The following ERI1 variants were observed in gnomAD, a reference collection of about 807,000 sequenced individuals.
The protein encoded by ERI1 is exoribonuclease 1.
A neutral mutation model predicts 39.7 loss-of-function variants in ERI1; 39 were observed. The observed-to-expected ratio is 0.98, with a 90% CI of 0.76 to 1.28. The LOEUF (loss-of-function observed/expected upper bound fraction) is 1.28. Among genes scored for constraint, ERI1 ranks in the 50% most tolerant of loss-of-function variants. ERI1 has a pLI of 0.00. For synonymous variants in ERI1, 204 were observed against 149.6 expected, an observed-to-expected ratio of 1.36 and a Z score of -2.65; for missense variants, 581 against 416.9, an observed-to-expected ratio of 1.39 and a Z score of -3.43.
At chr8:9,039,607 G>A (rs577334892) in intron 3 of ERI1, among the ~76,000 whole-genome samples, 1 of 152,268 alleles carries the variant, frequency 6.6e-6, no homozygotes, top group South Asian at 2.1e-4. Flanking sequence ...TTGATGAAAG[G>A]CAAGATATTC....
intron 3 of ERI1, chr8:9,072,502 A>G (rs150758873): frequency 5.9e-5 from 9 of 152,184 alleles, no homozygotes; most frequent in African/African-American, 2.2e-4. Context: ...AAATTCCAAA[A>G]GAGCTGTAAC....
intron 3 of ERI1, among the ~76,000 whole-genome samples, chr8:9,099,594 C>G (rs555826563): frequency 7.0e-6 from 1 of 142,530 alleles, no homozygotes; most frequent in Non-Finnish European, 1.5e-5. Context: ...GACACTCTCT[C>G]TCTCAAAAAA....
chr8:9,005,535 G>C (rs1815901231), intron 1 of ERI1, among the ~76,000 whole-genome samples: 1 of 135,368 alleles, frequency 7.4e-6, no homozygotes, highest in Non-Finnish European at 1.5e-5. Flanking sequence ...TTTTTTTTGA[G>C]AGGGAGTCTC....
In ERI1 at chr8:9,065,792, A is replaced by T. The variant is rs191086643; in HGVS notation, n.299+45328A>T. Among the ~76,000 whole-genome samples the T allele has an allele frequency of 1.3e-3, 191 of 152,186 alleles. 1 individual carries two copies. The highest frequency in any genetic ancestry group is 2.3e-3 in the Non-Finnish European group (153 of 67,992). Reference sequence around the variant, plus strand: ...AACAAATCTCCTTTTAAAATTACTTAAAAAAATAAAAATAAAAAGCAGGGC... The same window carrying T: ...AACAAATCTCCTTTTAAAATTACTTTAAAAAATAAAAATAAAAAGCAGGGC... On this transcript the variant is annotated intron_variant and non_coding_transcript_variant, in intron 3 of 3. Transcript: ENST00000518663.
At chr8:9,084,097 A>T (rs999171965) in intron 3 of ERI1, among the ~76,000 whole-genome samples, 7 of 148,616 alleles carry the variant, frequency 4.7e-5, no homozygotes, top group South Asian at 4.2e-4. Flanking sequence ...CCAGCCTAAA[A>T]TTTTTTTTTT....
chr8:9,039,374 T>C (rs1448385761), intron 3 of ERI1, among the ~76,000 whole-genome samples: 1 of 152,202 alleles, frequency 6.6e-6, no homozygotes, highest in Non-Finnish European at 1.5e-5. Context: ...AAAATATCCA[T>C]GTCATGAATC....
chr8:9,010,803 C>T (rs983914805), intron 2 of ERI1, among the ~76,000 whole-genome samples: 1 of 152,098 alleles, frequency 6.6e-6, no homozygotes, highest in African/African-American at 2.4e-5. Context: ...TTAGGATGAC[C>T]TTTCTCTCCT....
intron 3 of ERI1, among the ~76,000 whole-genome samples, chr8:9,047,844 G>A (rs945716126): frequency 1.2e-4 from 18 of 152,236 alleles, no homozygotes; most frequent in East Asian, 9.7e-4. Context: ...AATACTAATC[G>A]TTCACGCTGT....
chr8:9,004,399 T>C, intron 1 of ERI1: 1 of 619,112 alleles, frequency 1.6e-6, no homozygotes, highest in Non-Finnish European at 2.2e-6. Flanking sequence ...TTACAGCTAC[T>C]TAAGGCCTAG....
chr8:9,097,650 C>G lies in ERI1; in HGVS notation n.300-18698C>G, dbSNP rs191975491. Among the ~76,000 whole-genome samples, 382 of 124,448 alleles carry G rather than the reference C, an allele frequency of 3.1e-3. 1 individual carries two copies. Among genetic ancestry groups the G allele is most frequent in the East Asian group, 5.8e-3 (26 of 4,476 alleles). The allele number at this position is 124,448 out of a possible 152,430, so 81.6% of individuals were successfully genotyped here. On this transcript the variant is annotated intron_variant and non_coding_transcript_variant, in intron 3 of 3. Transcript: ENST00000518663. ...TGCCACTGCACTCCAGCCTAGGTGA[C>G]AGAATGACACTCTGTCAAAAAAAAA...
intron 3 of ERI1, among the ~76,000 whole-genome samples, chr8:9,092,508 C>T (rs756519416): frequency 6.6e-6 from 1 of 152,156 alleles, no homozygotes; most frequent in Non-Finnish European, 1.5e-5. Context: ...AAGATTTGCT[C>T]TTGTCATGGG....
At chr8:9,051,662 A>C (rs1798360430) in intron 3 of ERI1, among the ~76,000 whole-genome samples, 1 of 151,626 alleles carries the variant, frequency 6.6e-6, no homozygotes, top group African/African-American at 2.4e-5. Context: ...TGTCTCAAAA[A>C]AAAAAAAAGA....
chr8:9,042,980 A>G (rs1798071694), intron 3 of ERI1, among the ~76,000 whole-genome samples: 1 of 152,160 alleles, frequency 6.6e-6, no homozygotes, highest in African/African-American at 2.4e-5. Context: ...AAGGATCTGG[A>G]GAAGAAAGGT....
intron 3 of ERI1, among the ~76,000 whole-genome samples, chr8:9,068,628 T>C (rs1043415382): frequency 3.3e-5 from 5 of 152,166 alleles, no homozygotes; most frequent in Non-Finnish European, 4.4e-5. Context: ...CTCATATCCA[T>C]GCTTGCTTCT....
At chr8:9,017,304 T>C (rs2953809) in intron 4 of ERI1, among the ~76,000 whole-genome samples, 131,992 of 152,158 alleles carry the variant, frequency 0.87, 57,536 homozygotes, top group Non-Finnish European at 0.92. Context: ...CCAAAAAGTG[T>C]TGGGATTACG....
chr8:9,055,786 C>A (rs1798488182), intron 3 of ERI1, among the ~76,000 whole-genome samples: 1 of 152,182 alleles, frequency 6.6e-6, no homozygotes, highest in Non-Finnish European at 1.5e-5. Context: ...GATCCTCTCC[C>A]TTCTCAGCTT....
At chr8:9,016,195 A>G (rs1480370924) in intron 3 of ERI1, 127 bp from the exon 4 acceptor site, 1 of 459,960 alleles carries the variant, frequency 2.2e-6, no homozygotes, top group Non-Finnish European at 3.9e-6. Context: ...TTATTCTTAA[A>G]AACTGGAAGG....
intron 3 of ERI1, among the ~76,000 whole-genome samples, chr8:9,012,832 G>T (rs995518190): frequency 1.3e-5 from 2 of 152,048 alleles, no homozygotes; most frequent in African/African-American, 4.8e-5. Context: ...CTCTTTTTGG[G>T]AAAATTCTTC....
intron 6 of ERI1, among the ~76,000 whole-genome samples, chr8:9,024,079 C>A: frequency 6.6e-6 from 1 of 152,146 alleles, no homozygotes. Flanking sequence ...GAATTATAGG[C>A]ATGAGCCATT....
Sources: gnomAD v4.1 joint callset for allele counts (sites outside exome capture counted in the v4.1 genomes callset) on GRCh38, gnomAD v4.1.1 for gene constraint, MANE v1.5 for transcripts, NCBI Gene and HGNC (gene_info 2026-07-23, HGNC 2026-07-21) for gene names.